CNTNAP2: variants seen among roughly 807,000 people sequenced by gnomAD.
The protein encoded by CNTNAP2 is contactin-associated protein-like 2.
A neutral mutation model predicts 155.2 loss-of-function variants in CNTNAP2; 98 were observed. The observed-to-expected ratio is 0.63, with a 90% confidence interval of 0.54 to 0.75. The LOEUF (loss-of-function observed/expected upper bound fraction) is 0.75. Ranked by LOEUF, CNTNAP2 falls within the 30% of genes least tolerant of loss-of-function variation. The pLI, the probability that CNTNAP2 is intolerant of heterozygous loss-of-function variation, is 0.00. For synonymous variants in CNTNAP2, 651 were observed against 631.2 expected (o/e 1.03, Z -0.47); for missense variants, 1,727 against 1,688.1 (o/e 1.02, Z -0.40).
At chr7:147,067,734 A>G (rs1799809222) in intron 4 of CNTNAP2, among the ~76,000 whole-genome samples, 1 of 152,312 alleles carries the variant, frequency 6.6e-6, no homozygotes, top group Admixed American at 6.5e-5. Context: ...GAAATTCTTC[A>G]TTGATAGAAA....
intron 15 of CNTNAP2, among the ~76,000 whole-genome samples, chr7:148,010,674 T>C (rs1048887924): frequency 2.0e-5 from 3 of 147,982 alleles, no homozygotes; most frequent in African/African-American, 5.0e-5. Flanking sequence ...TTTTTTTTTT[T>C]ATTAGACTTT....
chr7:147,475,352 T>C (rs1798299855), intron 10 of CNTNAP2, among the ~76,000 whole-genome samples: 2 of 152,204 alleles, frequency 1.3e-5, no homozygotes, highest in African/African-American at 4.8e-5. Flanking sequence ...TGAGAAGGCT[T>C]TTCCCATTAA....
intron 13 of CNTNAP2, among the ~76,000 whole-genome samples, chr7:147,885,998 C>T (rs1170901959): frequency 1.3e-5 from 2 of 152,188 alleles, no homozygotes; most frequent in East Asian, 3.9e-4. Flanking sequence ...AGAGAAGTAA[C>T]ATTCTTCAAA....
chr7:146,379,360 A>T (rs540705934), intron 1 of CNTNAP2, among the ~76,000 whole-genome samples: 1 of 152,356 alleles, frequency 6.6e-6, no homozygotes, highest in Admixed American at 6.5e-5. Flanking sequence ...GACTTTGGAC[A>T]TCTACTTGCA....
rs908679817 is a variant in CNTNAP2 at position 146,457,954 on chromosome 7, G to A, written c.98-316317G>A. On this transcript the variant is annotated intron_variant, in intron 1 of 23. Coordinates refer to ENST00000361727, the MANE Select transcript of CNTNAP2 (RefSeq NM_014141.6). The stretch of plus-strand genomic sequence containing the variant: ...ATGAGTTACTGTCATACACTTGTTT[G>A]AAGGCTACTTAAACTATCCATAAAA... 2.0e-5 allele frequency among the ~76,000 whole-genome samples: 3 copies of A among 152,036 alleles called. No individual in the cohort carries two copies. The East Asian group carries it at 5.8e-4, about 29-fold the overall frequency.
chr7:147,574,364 T>A (rs550386212), intron 12 of CNTNAP2, among the ~76,000 whole-genome samples: 1 of 152,144 alleles, frequency 6.6e-6, no homozygotes, highest in South Asian at 2.1e-4. Context: ...AGTGGGAGGG[T>A]CTTGTTGACT....
At chr7:146,412,734 G>A (rs1431063423) in intron 1 of CNTNAP2, among the ~76,000 whole-genome samples, 1 of 152,184 alleles carries the variant, frequency 6.6e-6, no homozygotes, top group Non-Finnish European at 1.5e-5. Context: ...TAATTCACTA[G>A]TTACATTCAA....
intron 10 of CNTNAP2, among the ~76,000 whole-genome samples, chr7:147,406,326 G>A (rs762968231): frequency 3.9e-5 from 6 of 151,982 alleles, no homozygotes; most frequent in Admixed American, 1.3e-4. Flanking sequence ...ATTTATTATA[G>A]CATTTGAAAA....
chr7:146,131,424 T>A (rs572588878), intron 1 of CNTNAP2, among the ~76,000 whole-genome samples: 15 of 152,170 alleles, frequency 9.9e-5, no homozygotes, highest in Non-Finnish European at 2.2e-4. Context: ...CTCACATAGT[T>A]TTTATTAGAG....
intron 8 of CNTNAP2, among the ~76,000 whole-genome samples, chr7:147,223,680 C>T (rs533623218): frequency 3.9e-5 from 6 of 152,294 alleles, no homozygotes; most frequent in Non-Finnish European, 7.3e-5. Flanking sequence ...CGGTGGCTCA[C>T]GCCTCTAATC....
intron 8 of CNTNAP2, among the ~76,000 whole-genome samples, chr7:147,202,091 G>A (rs545716492): frequency 1.3e-4 from 19 of 151,822 alleles, no homozygotes; most frequent in Non-Finnish European, 1.9e-4. Flanking sequence ...TTTATTAAAT[G>A]GGGGTAAGAA....
At chr7:147,969,523 C>T (rs932362479) in intron 14 of CNTNAP2, among the ~76,000 whole-genome samples, 6 of 152,122 alleles carry the variant, frequency 3.9e-5, no homozygotes, top group African/African-American at 1.4e-4. Flanking sequence ...CTCCCATAAA[C>T]CCTGTATGAC....
chr7:147,762,325 T>C (rs1217954667), intron 13 of CNTNAP2, among the ~76,000 whole-genome samples: 2 of 152,082 alleles, frequency 1.3e-5, no homozygotes, highest in Non-Finnish European at 2.9e-5. Context: ...TAGAAGACCA[T>C]GAATATTAAG....
intron 8 of CNTNAP2, among the ~76,000 whole-genome samples, chr7:147,204,191 C>T (rs1050654823): frequency 6.7e-6 from 1 of 150,318 alleles, no homozygotes; most frequent in Admixed American, 6.6e-5. Context: ...CAGCTTATGC[C>T]AATATATATG....
intron 4 of CNTNAP2, among the ~76,000 whole-genome samples, chr7:147,105,240 T>G (rs1251971242): frequency 6.6e-6 from 1 of 151,928 alleles, no homozygotes; most frequent in Non-Finnish European, 1.5e-5. Flanking sequence ...AAAATGTTTT[T>G]GAAAAAGCGT....
At chr7:146,183,876 G>T (rs966532779) in intron 1 of CNTNAP2, among the ~76,000 whole-genome samples, 1 of 151,964 alleles carries the variant, frequency 6.6e-6, no homozygotes, top group South Asian at 2.1e-4. Context: ...CCATTACCTC[G>T]AGGAATCTCT....
chr7:147,821,684 G>T (rs534587054), intron 13 of CNTNAP2, among the ~76,000 whole-genome samples: 2 of 152,080 alleles, frequency 1.3e-5, no homozygotes, highest in Non-Finnish European at 2.9e-5. Flanking sequence ...AAAGGAAAAG[G>T]CCCTGAAAAG....
At chr7:147,180,890 C>T (rs940603163) in intron 8 of CNTNAP2, among the ~76,000 whole-genome samples, 1 of 151,976 alleles carries the variant, frequency 6.6e-6, no homozygotes, top group South Asian at 2.1e-4. Flanking sequence ...ACAGAGAAAA[C>T]ATTATAAAAT....
Position 148,147,647 on chromosome 7 carries a change from A to T in CNTNAP2, c.2711A>T (p.Gln904Leu). 6.2e-7 allele frequency: 1 copy of T among 1,614,154 alleles called. No individual in the cohort carries two copies. The highest frequency in any genetic ancestry group is 8.5e-7 in the Non-Finnish European group (1 of 1,180,016). Residue 904 changes from glutamine to leucine, a missense_variant, in exon 17 of 24, where the codon CAG (glutamine) becomes CTG (leucine). Transcript: ENST00000361727. ...CTACAGGTGGACCGGCTACCGCAGC[A>T]GATCCGCAAGGCCCCAACAGAAGGC... Reference protein sequence around the residue: ...ASLQVDRLPQQIRKAPTEGHT... With the variant: ...ASLQVDRLPQLIRKAPTEGHT...
Sources: gnomAD v4.1 joint callset for allele counts (sites outside exome capture counted in the v4.1 genomes callset) on GRCh38, gnomAD v4.1.1 for gene constraint, MANE v1.5 for transcripts, NCBI Gene and HGNC (gene_info 2026-07-23, HGNC 2026-07-21) for gene names.